The following USP47 variants were observed in gnomAD, a reference collection of about 807,000 sequenced individuals.
USP47 encodes the protein ubiquitin specific peptidase 47, also known as ubiquitin carboxyl-terminal hydrolase 47.
In USP47, 35 loss-of-function variants were observed where a neutral mutation model predicts 165.1. The observed-to-expected ratio is 0.21, with a 90% CI of 0.16 to 0.28. USP47 has a LOEUF of 0.28. Among genes scored for constraint, USP47 ranks in the 10% least tolerant of loss-of-function variants. USP47 has a pLI of 1.00. For missense variants in USP47, 1,277 were observed against 1,607.4 expected (o/e 0.79, Z 3.52); for synonymous variants, 531 against 544.5 (o/e 0.98, Z 0.35).
At chr11:11,850,941 G>A (rs1848691900) in intron 1 of USP47, among the ~76,000 whole-genome samples, 1 of 152,138 alleles carries the variant, frequency 6.6e-6, no homozygotes, top group Admixed American at 6.5e-5. Context: ...CTTTTACAAG[G>A]GCACTAATCT....
At chr11:11,892,288 C>T (rs918789108) in intron 4 of USP47, among the ~76,000 whole-genome samples, 182 bp downstream of exon 4, 1 of 151,556 alleles carries the variant, frequency 6.6e-6, no homozygotes, top group East Asian at 1.9e-4. Flanking sequence ...CCACTCGTTT[C>T]TACTATATTG....
chr11:11,858,648 A>G (rs907846004), intron 1 of USP47, among the ~76,000 whole-genome samples: 1 of 152,084 alleles, frequency 6.6e-6, no homozygotes, highest in Non-Finnish European at 1.5e-5. Context: ...CCAGAATGTC[A>G]TTTACATGGA....
At chr11:11,883,856 C>A (rs1564863583) in intron 2 of USP47, among the ~76,000 whole-genome samples, 1 of 152,176 alleles carries the variant, frequency 6.6e-6, no homozygotes, top group Non-Finnish European at 1.5e-5. Flanking sequence ...TCCATACCCC[C>A]TGGGTCCTCT....
rs1300802562 is a variant in USP47, at chr11:11,892,380, C to CTTTTTT, written c.496+288_496+293dup. ...AGACTTTTCTTTTCTTTTTAATTTT[C>CTTTTTT]TTTTTTTTTTTTTTTTTTTGAGACA... On this transcript the variant is annotated intron_variant, in intron 4 of 27. Coordinates refer to ENST00000527733, the MANE Select transcript of USP47 (RefSeq NM_001282659.2). 2.0e-3 allele frequency among the ~76,000 whole-genome samples: 243 copies of CTTTTTT among 121,058 alleles called. 13 individuals carry two copies. Among genetic ancestry groups the CTTTTTT allele is most frequent in the African/African-American group, 2.9e-3 (90 of 31,522 alleles). 79.4% of individuals were successfully genotyped at this position (121,058 alleles called of 152,430 possible). A position where few individuals can be genotyped will look rare whatever the true frequency, so the allele number is the denominator to read the frequency against.
chr11:11,929,600 A>C (rs1338950880), intron 12 of USP47, 35 bp downstream of exon 12: 1 of 1,604,602 alleles, frequency 6.2e-7, no homozygotes, highest in Admixed American at 1.7e-5. Flanking sequence ...TTACTCTGAA[A>C]GGTGGGAGTA....
intron 3 of USP47, among the ~76,000 whole-genome samples, chr11:11,886,214 C>G (rs984806013): frequency 6.6e-6 from 1 of 152,042 alleles, no homozygotes; most frequent in African/African-American, 2.4e-5. Context: ...CAGTGCCTCT[C>G]CAGCAAGGGC....
intron 8 of USP47, among the ~76,000 whole-genome samples, chr11:11,911,066 A>G (rs1304206199): frequency 2.0e-5 from 3 of 152,192 alleles, no homozygotes; most frequent in African/African-American, 7.2e-5. Context: ...GGAACTGAAA[A>G]CTGCAATAAG....
At chr11:11,937,191 C>G (rs1410143522) in intron 17 of USP47, among the ~76,000 whole-genome samples, 5 of 151,740 alleles carry the variant, frequency 3.3e-5, no homozygotes, top group African/African-American at 1.2e-4. Flanking sequence ...CCAGAGTTTT[C>G]TATAATTACC....
chr11:11,921,401 T>C (rs956862319), intron 10 of USP47, among the ~76,000 whole-genome samples: 6 of 151,856 alleles, frequency 4.0e-5, no homozygotes, highest in African/African-American at 1.4e-4. Flanking sequence ...GTTTTAGGCA[T>C]AGCTAGATGT....
At chr11:11,885,335 A>C (rs576104744) in intron 3 of USP47, among the ~76,000 whole-genome samples, 3 of 152,172 alleles carry the variant, frequency 2.0e-5, no homozygotes, top group African/African-American at 7.2e-5. Context: ...GAAATATCCA[A>C]GTTCTCGCAC....
intron 6 of USP47, 138 bp downstream of exon 6, chr11:11,902,998 ACATTT>A (rs1415263148): frequency 1.1e-6 from 1 of 929,236 alleles, no homozygotes; most frequent in African/African-American, 1.7e-5. Flanking sequence ...ATTTTCTAAC[ACATTT>A]CATAACTCTA....
chr11:11,884,618 T>C, intron 3 of USP47, 38 bp downstream of exon 3: 1 of 1,461,038 alleles, frequency 6.8e-7, no homozygotes, highest in East Asian at 2.3e-5. Flanking sequence ...ATAATTTTTG[T>C]GCACTGTCAC....
chr11:11,845,126 T>C (rs1423051796), intron 1 of USP47, among the ~76,000 whole-genome samples: 1 of 152,224 alleles, frequency 6.6e-6, no homozygotes, highest in African/African-American at 2.4e-5. Context: ...TTTGTATGGC[T>C]ACAACAGCAG....
chr11:11,955,978 T>A (rs368302029), intron 27 of USP47, 23 bp from the exon 28 acceptor site: 1 of 1,523,744 alleles, frequency 6.6e-7, no homozygotes, highest in Non-Finnish European at 8.8e-7. Flanking sequence ...TGGACTAATA[T>A]GTGATTAATA....
In USP47 at chr11:11,938,454, A is replaced by G; in HGVS notation, c.2193+82A>G. On this transcript the variant is annotated intron_variant, in intron 18 of 27. Coordinates refer to ENST00000527733, the MANE Select transcript of USP47 (RefSeq NM_001282659.2). ...ACACTATGTGACAGTTATGAATAAG[A>G]TACATGCTTTACCTCCAGGAGCTAA... 2.0e-5 allele frequency: 20 copies of G among 1,001,552 alleles called. No individual in the cohort carries two copies. In the South Asian group the frequency reaches 2.9e-4, roughly 14 times the overall value. 62.0% of individuals were successfully genotyped at this position (1,001,552 alleles called of 1,614,324 possible). A position where few individuals can be genotyped will look rare whatever the true frequency, so the allele number is the denominator to read the frequency against.
intron 4 of USP47, among the ~76,000 whole-genome samples, chr11:11,896,707 C>A (rs1851869134): frequency 6.6e-6 from 1 of 151,854 alleles, no homozygotes; most frequent in Non-Finnish European, 1.5e-5. Flanking sequence ...TGGGTCGTTA[C>A]AAAACAGTGA....
At chr11:11,934,901 A>G (rs935165695) in intron 16 of USP47, among the ~76,000 whole-genome samples, 1 of 152,276 alleles carries the variant, frequency 6.6e-6, no homozygotes, top group Non-Finnish European at 1.5e-5. Flanking sequence ...TGCATACTAC[A>G]TCATTTTGTG....
At chr11:11,952,941 AATAT>A in intron 25 of USP47, 70 bp downstream of exon 25, 1 of 1,105,728 alleles carries the variant, frequency 9.0e-7, no homozygotes, top group Non-Finnish European at 1.1e-6. Flanking sequence ...TAAAATATAT[AATAT>A]ATAAACAATA....
chr11:11,901,189 G>A (rs1340467546), intron 5 of USP47, among the ~76,000 whole-genome samples: 1 of 152,078 alleles, frequency 6.6e-6, no homozygotes, highest in African/African-American at 2.4e-5. Flanking sequence ...TGACTTCTCA[G>A]TCCTAAAGTA....
Sources: gnomAD v4.1 joint callset for allele counts (sites outside exome capture counted in the v4.1 genomes callset) on GRCh38, gnomAD v4.1.1 for gene constraint, MANE v1.5 for transcripts, NCBI Gene and HGNC (gene_info 2026-07-23, HGNC 2026-07-21) for gene names.